YEATS2: variants seen among roughly 807,000 people sequenced by gnomAD.
YEATS2 encodes YEATS domain-containing protein 2.
In YEATS2, 77 loss-of-function variants were observed where a neutral mutation model predicts 163.2. The ratio of observed to expected loss-of-function variants is 0.47; its 90% CI spans 0.39 to 0.57. The LOEUF (loss-of-function observed/expected upper bound fraction) is 0.57, where lower values mean the gene tolerates loss of function less well. YEATS2 is among the 20% of genes least tolerant of loss of function. The pLI is 0.00. For synonymous variants in YEATS2, 631 were observed against 645.1 expected (o/e 0.98, Z 0.33); for missense variants, 1,549 against 1,729.8 (o/e 0.90, Z 1.85).
At chr3:183,714,447 C>T (rs557497963) in intron 1 of YEATS2, among the ~76,000 whole-genome samples, 1 of 149,942 alleles carries the variant, frequency 6.7e-6, no homozygotes, top group Non-Finnish European at 1.5e-5. Context: ...CCGCCCACCT[C>T]GGCCTCCCAA....
intron 5 of YEATS2, 117 bp downstream of exon 5, chr3:183,722,253 T>C: frequency 8.9e-7 from 1 of 1,127,666 alleles, no homozygotes; most frequent in Non-Finnish European, 1.2e-6. Context: ...AGGTTTGTTT[T>C]CCTTTTATAA....
intron 3 of YEATS2, 34 bp from the exon 4 acceptor site, chr3:183,718,465 GT>G: frequency 6.4e-7 from 1 of 1,550,558 alleles, no homozygotes; most frequent in Non-Finnish European, 8.8e-7. Flanking sequence ...TATAATTGCC[GT>G]TTTTTAAAGT....
At chr3:183,753,630 C>A (rs1358703850) in intron 10 of YEATS2, among the ~76,000 whole-genome samples, 1 of 152,194 alleles carries the variant, frequency 6.6e-6, no homozygotes, top group East Asian at 1.9e-4. Context: ...TACCTGTAAT[C>A]CCAGCTATTC....
chr3:183,738,157 C>T (rs1257551155), intron 8 of YEATS2, among the ~76,000 whole-genome samples: 1 of 152,094 alleles, frequency 6.6e-6, no homozygotes, highest in African/African-American at 2.4e-5. Flanking sequence ...CCATCTCATT[C>T]CCTCTTTTGG....
intron 1 of YEATS2, among the ~76,000 whole-genome samples, chr3:183,711,278 G>A (rs1715176940): frequency 6.6e-6 from 1 of 151,848 alleles, no homozygotes; most frequent in Non-Finnish European, 1.5e-5. Context: ...AGACCATCCT[G>A]GCTAACACAG....
intron 4 of YEATS2, 138 bp downstream of exon 4, chr3:183,718,730 G>A (rs909306797): frequency 5.6e-6 from 4 of 710,968 alleles, no homozygotes; most frequent in African/African-American, 5.5e-5. Flanking sequence ...ACGGAGTCTC[G>A]CTGTGTCACC....
At chr3:183,711,144 G>C (rs768601782) in intron 1 of YEATS2, among the ~76,000 whole-genome samples, 29 of 152,088 alleles carry the variant, frequency 1.9e-4, no homozygotes, top group Admixed American at 4.6e-4. Context: ...AATGGAGAAG[G>C]CTGAAGAAAC....
intron 7 of YEATS2, among the ~76,000 whole-genome samples, chr3:183,731,545 G>A (rs766847667): frequency 6.6e-6 from 1 of 152,122 alleles, no homozygotes; most frequent in African/African-American, 2.4e-5. Flanking sequence ...AAATTGCAAA[G>A]ACTATTCCTG....
chr3:183,723,342 G>A (rs1277208136), intron 5 of YEATS2, among the ~76,000 whole-genome samples: 1 of 152,190 alleles, frequency 6.6e-6, no homozygotes, highest in Non-Finnish European at 1.5e-5. Context: ...TGTTGACTGT[G>A]ATACAGAAAA....
chr3:183,750,295 A>G (rs1720028975), intron 9 of YEATS2, among the ~76,000 whole-genome samples: 4 of 152,188 alleles, frequency 2.6e-5, no homozygotes, highest in Admixed American at 2.0e-4. Flanking sequence ...ACTGCATTGT[A>G]TGTATATACC....
At position 183,754,878 on chromosome 3, in the gene YEATS2, T is replaced by TG. The variant is rs1277296410; in HGVS notation, c.1390+514dup. On this transcript the variant is annotated intron_variant, in intron 11 of 30. Transcript: ENST00000305135. ...ACTAAGATTGGATTATCTTTTGCCT[T>TG]GTGATAGTTTCATTTTATGTTAGGT... Among the ~76,000 whole-genome samples, 6 of 152,316 alleles carry TG rather than the reference T, an allele frequency of 3.9e-5. No homozygotes were observed. The South Asian group carries it at 1.2e-3, about 32-fold the overall frequency.
intron 18 of YEATS2, among the ~76,000 whole-genome samples, 198 bp downstream of exon 18, chr3:183,776,321 A>G (rs1722997223): frequency 6.6e-6 from 1 of 152,076 alleles, no homozygotes; most frequent in African/African-American, 2.4e-5. Context: ...AGGTGGGTGG[A>G]TCGCTTGAGC....
chr3:183,766,235 G>T (rs1213871112), intron 15 of YEATS2, among the ~76,000 whole-genome samples: 1 of 152,138 alleles, frequency 6.6e-6, no homozygotes, highest in Non-Finnish European at 1.5e-5. Context: ...TCTGAGCCCT[G>T]GTCTTTCAGG....
At chr3:183,799,069 G>C in intron 23 of YEATS2, 80 bp downstream of exon 23, 1 of 1,064,854 alleles carries the variant, frequency 9.4e-7, no homozygotes, top group East Asian at 2.4e-5. Flanking sequence ...CTGATGTCCA[G>C]AAGCTTTATG....
intron 19 of YEATS2, among the ~76,000 whole-genome samples, chr3:183,782,978 C>G (rs182207189): frequency 1.3e-5 from 2 of 152,220 alleles, no homozygotes; most frequent in Non-Finnish European, 2.9e-5. Flanking sequence ...GCTCTACATC[C>G]TCACCAACAC....
At chr3:183,793,844 C>G (rs1724898228) in intron 21 of YEATS2, among the ~76,000 whole-genome samples, 1 of 152,098 alleles carries the variant, frequency 6.6e-6, no homozygotes, top group Admixed American at 6.5e-5. Context: ...AACTCCCAAC[C>G]TCAGGTGATC....
intron 27 of YEATS2, chr3:183,806,605 G>A: frequency 2.0e-6 from 1 of 494,004 alleles, no homozygotes; most frequent in South Asian, 2.1e-5. Context: ...GGTTTTTGGT[G>A]GCAGAAGTGA....
intron 21 of YEATS2, 112 bp from the exon 22 acceptor site, chr3:183,797,811 G>A: frequency 2.9e-6 from 4 of 1,402,826 alleles, no homozygotes; most frequent in Non-Finnish European, 3.9e-6. Flanking sequence ...TTACTGGAAG[G>A]TTAAATGTCC....
chr3:183,743,036 G>T (rs1560260265), intron 8 of YEATS2, among the ~76,000 whole-genome samples: 1 of 152,232 alleles, frequency 6.6e-6, no homozygotes, highest in Non-Finnish European at 1.5e-5. Context: ...ATACTTAATA[G>T]ATGACAGCAT....
Sources: allele counts gnomAD v4.1 joint callset (sites outside exome capture counted in the v4.1 genomes callset), GRCh38; gene constraint gnomAD v4.1.1; transcripts MANE v1.5; gene names NCBI Gene and HGNC (gene_info 2026-07-23, HGNC 2026-07-21).